Variants in CTNND2 observed in about 807,000 individuals in gnomAD.
CTNND2 encodes catenin delta-2.
CTNND2 carries 22 observed loss-of-function variants against 144.4 expected under a neutral mutation model. The observed-to-expected ratio is 0.15, with a 90% confidence interval of 0.11 to 0.22. The LOEUF is 0.22. Ranked by LOEUF, CTNND2 falls within the 10% of genes least tolerant of loss-of-function variation. The pLI is 1.00. For missense variants in CTNND2, 1,353 were observed against 1,618.8 expected (o/e 0.84, Z 2.82); for synonymous variants, 751 against 695.6 (o/e 1.08, Z -1.25).
At chr5:11,356,218 CA>C (rs980778276) in intron 8 of CTNND2, among the ~76,000 whole-genome samples, 1 of 143,276 alleles carries the variant, frequency 7.0e-6, no homozygotes, top group South Asian at 2.1e-4. Flanking sequence ...ATGAAACAAA[CA>C]AAAAAAGGCC....
intron 12 of CTNND2, among the ~76,000 whole-genome samples, chr5:11,144,726 G>T (rs1052603482): frequency 6.6e-6 from 1 of 152,142 alleles, no homozygotes; most frequent in Non-Finnish European, 1.5e-5. Flanking sequence ...TGGAGGAAGG[G>T]CCTCCACCCA....
intron 2 of CTNND2, among the ~76,000 whole-genome samples, chr5:11,731,524 T>C (rs1245266759): frequency 1.3e-5 from 2 of 152,202 alleles, no homozygotes; most frequent in Non-Finnish European, 2.9e-5. Flanking sequence ...TCTCTTTATT[T>C]ACTACTTTTT....
chr5:11,716,288 C>A (rs372347346), intron 2 of CTNND2, among the ~76,000 whole-genome samples: 1 of 152,088 alleles, frequency 6.6e-6, no homozygotes, highest in African/African-American at 2.4e-5. Context: ...TTTAGTTATA[C>A]ACTTAATTAA....
intron 2 of CTNND2, among the ~76,000 whole-genome samples, chr5:11,583,719 A>C (rs549053993): frequency 3.6e-4 from 55 of 152,344 alleles, no homozygotes; most frequent in African/African-American, 1.3e-3. Flanking sequence ...CAGGTTTATA[A>C]ATTTTTAAAT....
At chr5:11,903,000 T>C (rs1038249209) in intron 1 of CTNND2, 1 of 173,936 alleles carries the variant, frequency 5.7e-6, no homozygotes, top group Non-Finnish European at 1.1e-5. Context: ...GACTTAATTC[T>C]GAAAGCAGAG....
intron 9 of CTNND2, among the ~76,000 whole-genome samples, chr5:11,293,231 C>T (rs1169803167): frequency 3.3e-5 from 5 of 152,156 alleles, no homozygotes; most frequent in African/African-American, 1.2e-4. Flanking sequence ...ACACACTAAA[C>T]TCCAGGCCTC....
chr5:11,671,065 T>C (rs1217306381), intron 2 of CTNND2, among the ~76,000 whole-genome samples: 1 of 152,184 alleles, frequency 6.6e-6, no homozygotes, highest in East Asian at 1.9e-4. Flanking sequence ...GAAATTCTGG[T>C]TTGAAAATTC....
At chr5:11,591,529 T>C (rs1447771423) in intron 2 of CTNND2, among the ~76,000 whole-genome samples, 1 of 147,116 alleles carries the variant, frequency 6.8e-6, no homozygotes, top group African/African-American at 2.5e-5. Context: ...CTAACATGGT[T>C]TCATTTCAGC....
intron 1 of CTNND2, among the ~76,000 whole-genome samples, chr5:11,764,533 C>T (rs1377677902): frequency 6.6e-6 from 1 of 152,182 alleles, no homozygotes; most frequent in Non-Finnish European, 1.5e-5. Context: ...CCCTGATGCT[C>T]ATATCCCTGG....
chr5:11,306,235 G>A (rs1201144189), intron 9 of CTNND2, among the ~76,000 whole-genome samples: 1 of 152,214 alleles, frequency 6.6e-6, no homozygotes, highest in African/African-American at 2.4e-5. Flanking sequence ...GGCTTAGGAT[G>A]TGCGTGTGGA....
At chr5:11,746,392 C>G (rs750195361) in intron 1 of CTNND2, among the ~76,000 whole-genome samples, 1 of 152,120 alleles carries the variant, frequency 6.6e-6, no homozygotes, top group Non-Finnish European at 1.5e-5. Flanking sequence ...AATCACTTCA[C>G]GTCCTCTTTA....
At chr5:11,140,429 T>C (rs1396205402) in intron 12 of CTNND2, among the ~76,000 whole-genome samples, 2 of 152,234 alleles carry the variant, frequency 1.3e-5, no homozygotes, top group Non-Finnish European at 2.9e-5. Flanking sequence ...TGCAATGCTA[T>C]CTGATTACAT....
intron 1 of CTNND2, among the ~76,000 whole-genome samples, chr5:11,779,115 C>T (rs1790408679): frequency 6.6e-6 from 1 of 152,134 alleles, no homozygotes; most frequent in Non-Finnish European, 1.5e-5. Context: ...ATGCATGACG[C>T]ATGGTGTATC....
At chr5:11,854,592 T>C (rs114131492) in intron 1 of CTNND2, among the ~76,000 whole-genome samples, 1 of 152,236 alleles carries the variant, frequency 6.6e-6, no homozygotes, top group Non-Finnish European at 1.5e-5. Context: ...AAACACTTGT[T>C]GAGTAAGTGA....
At chr5:11,499,342 T>C (rs1259372211) in intron 3 of CTNND2, among the ~76,000 whole-genome samples, 1 of 152,236 alleles carries the variant, frequency 6.6e-6, no homozygotes, top group African/African-American at 2.4e-5. Flanking sequence ...GTCCATCTAA[T>C]TCTGCATTGC....
intron 7 of CTNND2, among the ~76,000 whole-genome samples, chr5:11,383,377 C>T (rs1341709893): frequency 6.6e-6 from 1 of 152,146 alleles, no homozygotes; most frequent in East Asian, 1.9e-4. Flanking sequence ...CATGTTCACT[C>T]GCCCCCTTTT....
intron 10 of CTNND2, among the ~76,000 whole-genome samples, chr5:11,202,759 C>T (rs1217079504): frequency 6.6e-6 from 1 of 152,016 alleles, no homozygotes; most frequent in Non-Finnish European, 1.5e-5. Context: ...CTCTATTTTG[C>T]TTTTCTCCAG....
intron 3 of CTNND2, among the ~76,000 whole-genome samples, chr5:11,546,862 T>C (rs547773442): frequency 6.6e-6 from 1 of 152,272 alleles, no homozygotes; most frequent in Non-Finnish European, 1.5e-5. Flanking sequence ...CATTAAAGCT[T>C]ATGAGACAAA....
intron 2 of CTNND2, among the ~76,000 whole-genome samples, chr5:11,628,154 AC>A (rs754185506): frequency 6.6e-6 from 1 of 152,142 alleles, no homozygotes; most frequent in Non-Finnish European, 1.5e-5. Flanking sequence ...TACAGATTCC[AC>A]ACGTTTTCAC....
Sources: gnomAD v4.1 joint callset for allele counts (sites outside exome capture counted in the v4.1 genomes callset) on GRCh38, gnomAD v4.1.1 for gene constraint, MANE v1.5 for transcripts, NCBI Gene and HGNC (gene_info 2026-07-23, HGNC 2026-07-21) for gene names.